The following ANK3 variants were observed in gnomAD, a reference collection of about 807,000 sequenced individuals.
The protein encoded by ANK3 is ankyrin 3.
Under a neutral mutation model 370.9 loss-of-function variants are expected in ANK3, and 57 were observed. The ratio of observed to expected loss-of-function variants is 0.15; its 90% CI spans 0.12 to 0.19. The LOEUF (loss-of-function observed/expected upper bound fraction) is 0.19, where lower values mean the gene tolerates loss of function less well. ANK3 is among the 10% of genes least tolerant of loss of function. The pLI is 1.00. For synonymous variants in ANK3, 1,929 were observed against 1,946.3 expected, an observed-to-expected ratio of 0.99 and a Z score of 0.23; for missense variants, 4,439 against 5,302.1, an observed-to-expected ratio of 0.84 and a Z score of 5.06.
Position 60,085,202 on chromosome 10 carries a change from G to A in ANK3, c.3800C>T (p.Thr1267Met), listed in dbSNP as rs753652746. The A allele has an allele frequency of 5.0e-6, 8 of 1,613,004 alleles. No individual in the cohort carries two copies. Among genetic ancestry groups the A allele is most frequent in the East Asian group, 2.2e-5 (1 of 44,782 alleles). Residue 1267 changes from threonine (T) to methionine (M), a missense_variant, in exon 31 of 44, where the codon ACG becomes ATG. Thr to Met is a moderately conservative substitution (Grantham distance 81). Around this residue, in one of 13 missense-constraint regions of ANK3, gnomAD observed 702 missense variants for 941.5 expected, o/e 0.75. Transcript: ENST00000280772. The part of the protein sequence containing the change: ...WEDITGTTPL[T>M]FIKDCVSFTT... Reference sequence around the variant, plus strand: ...AAAGGAGACACAATCTTTTATAAACGTCAAAGGAGTTGTTCCTGTGATGTC... The same window carrying A: ...AAAGGAGACACAATCTTTTATAAACATCAAAGGAGTTGTTCCTGTGATGTC...
At chr10:60,677,397 C>T (rs1450589280) in intron 1 of ANK3, among the ~76,000 whole-genome samples, 3 of 152,066 alleles carry the variant, frequency 2.0e-5, no homozygotes, top group Admixed American at 2.0e-4. Context: ...CATGCTACTG[C>T]CCAGAGATAT....
intron 1 of ANK3, among the ~76,000 whole-genome samples, chr10:60,729,628 C>T (rs1203712106): frequency 6.6e-6 from 1 of 152,154 alleles, no homozygotes; most frequent in African/African-American, 2.4e-5. Context: ...GATCAAAAAA[C>T]ACCACAATAA....
intron 1 of ANK3, among the ~76,000 whole-genome samples, chr10:60,306,540 T>C (rs1413254547): frequency 1.3e-5 from 2 of 152,080 alleles, no homozygotes; most frequent in Non-Finnish European, 2.9e-5. Context: ...TAAACACGTG[T>C]GTGCATGTCT....
chr10:60,465,411 C>T (rs1237084254), intron 2 of ANK3, among the ~76,000 whole-genome samples: 4 of 152,192 alleles, frequency 2.6e-5, no homozygotes, highest in African/African-American at 7.2e-5. Flanking sequence ...TGTATGATTT[C>T]CAGTTGCCTG....
intron 2 of ANK3, among the ~76,000 whole-genome samples, chr10:60,534,782 T>A (rs2076685865): frequency 6.6e-6 from 1 of 152,188 alleles, no homozygotes; most frequent in African/African-American, 2.4e-5. Context: ...GGCAATTTTC[T>A]ATTTTCAAGT....
At chr10:60,526,912 G>T (rs2076485617) in intron 2 of ANK3, among the ~76,000 whole-genome samples, 1 of 151,996 alleles carries the variant, frequency 6.6e-6, no homozygotes, top group African/African-American at 2.4e-5. Flanking sequence ...TAAAAATTTT[G>T]GTGTGTCTCC....
chr10:60,080,748 C>T (rs1172647147), intron 35 of ANK3, 130 bp from the exon 36 acceptor site: 6 of 851,564 alleles, frequency 7.0e-6, no homozygotes, highest in African/African-American at 7.0e-5. Flanking sequence ...TAATTTCCCA[C>T]TGGGATTTTG....
intron 2 of ANK3, among the ~76,000 whole-genome samples, chr10:60,512,491 A>C (rs1199462140): frequency 6.6e-6 from 1 of 152,166 alleles, no homozygotes; most frequent in Non-Finnish European, 1.5e-5. Flanking sequence ...CATACTGAGG[A>C]AATAGAAAAA....
intron 2 of ANK3, among the ~76,000 whole-genome samples, chr10:60,562,438 G>T (rs1016882071): frequency 6.6e-5 from 10 of 152,100 alleles, no homozygotes; most frequent in Non-Finnish European, 1.0e-4. Flanking sequence ...TAGGGGGATG[G>T]AGTCTCGCTC....
intron 1 of ANK3, among the ~76,000 whole-genome samples, chr10:60,704,635 A>C (rs1564590612): frequency 6.6e-6 from 1 of 152,208 alleles, no homozygotes; most frequent in East Asian, 1.9e-4. Flanking sequence ...GAAACACTAC[A>C]AAGAGGAAGT....
intron 2 of ANK3, among the ~76,000 whole-genome samples, chr10:60,436,431 C>T (rs1274097608): frequency 6.6e-6 from 1 of 152,206 alleles, no homozygotes; most frequent in Non-Finnish European, 1.5e-5. Context: ...TTTCTACCAG[C>T]AGTGTGTGAG....
intron 28 of ANK3, among the ~76,000 whole-genome samples, chr10:60,093,883 T>C (rs777950180): frequency 6.6e-6 from 1 of 152,244 alleles, no homozygotes; most frequent in African/African-American, 2.4e-5. Context: ...ATTTTATAAT[T>C]TCCCAGCAGC....
intron 18 of ANK3, among the ~76,000 whole-genome samples, chr10:60,177,641 A>C (rs2096012061): frequency 8.3e-6 from 1 of 120,300 alleles, no homozygotes. Flanking sequence ...TCTGTCGCCC[A>C]GGCTGGAGTG....
chr10:60,048,903 C>T (rs1358901088), intron 42 of ANK3, among the ~76,000 whole-genome samples: 4 of 152,134 alleles, frequency 2.6e-5, no homozygotes, highest in Admixed American at 2.0e-4. Flanking sequence ...GTCTCAATGA[C>T]CCATTTAGGT....
intron 1 of ANK3, among the ~76,000 whole-genome samples, chr10:60,343,094 T>C (rs994221425): frequency 6.6e-6 from 1 of 152,124 alleles, no homozygotes; most frequent in Non-Finnish European, 1.5e-5. Flanking sequence ...TACTCGTGGG[T>C]GAGTTATTAA....
chr10:60,621,512 T>A (rs1465281447), intron 1 of ANK3, among the ~76,000 whole-genome samples: 2 of 152,178 alleles, frequency 1.3e-5, no homozygotes, highest in Non-Finnish European at 2.9e-5. Flanking sequence ...TTTGTCACTA[T>A]CACATCAACA....
chr10:60,075,292 T>A lies in ANK3; in HGVS notation c.5589A>T (p.Thr1863=). 1.2e-6 allele frequency: 2 copies of A among 1,614,158 alleles called. No individual in the cohort carries two copies. Among genetic ancestry groups the A allele is most frequent in the Non-Finnish European group, 1.7e-6 (2 of 1,179,996 alleles). Residue 1863 remains threonine, a synonymous_variant, in exon 37 of 44, where the codon ACA becomes ACT. Coordinates refer to ENST00000280772, the MANE Select transcript of ANK3 (RefSeq NM_020987.5). ...TTCGACTGAAGTGAGGCTGAGGATG[T>A]GTCTCCGTAGTCAATGTTTTAATGG... ...LSPIKTLTTE[T]HPQPHFSRTS... is the part of the protein sequence containing the mutation.
rs767104325 is a variant in ANK3, at chr10:60,263,880, G to T, written c.654C>A (p.Ala218=). The change falls in exon 6 of 44, where the codon GCC becomes GCA. Residue 218 remains alanine, a synonymous_variant. Coordinates refer to ENST00000280772, the MANE Select transcript of ANK3 (RefSeq NM_020987.5). ...IAARKDDTKA[A]ALLLQNDNNA... ...TGTTGTCATTCTGCAGCAGCAGGGC[G>T]GCGGCTTTCGTGTCGTCTTTTCGGG... 1.2e-6 allele frequency: 2 copies of T among 1,613,974 alleles called. No individual in the cohort carries two copies. The highest frequency in any genetic ancestry group is 1.7e-6 in the Non-Finnish European group (2 of 1,180,018).
At chr10:60,122,587 T>A (rs1383724292) in intron 25 of ANK3, among the ~76,000 whole-genome samples, 1 of 152,244 alleles carries the variant, frequency 6.6e-6, no homozygotes, top group Non-Finnish European at 1.5e-5. Flanking sequence ...TTACTCAACT[T>A]TTTTCAGTCT....
Sources: gnomAD v4.1 joint callset for allele counts (sites outside exome capture counted in the v4.1 genomes callset) on GRCh38, gnomAD v4.1.1 for gene constraint, gnomAD v4.1.1 regional missense constraint, MANE v1.5 for transcripts, NCBI Gene and HGNC (gene_info 2026-07-23, HGNC 2026-07-21) for gene names.